The following RELN variants were observed in gnomAD, a reference collection of about 807,000 sequenced individuals.
RELN encodes reelin.
In RELN, 108 loss-of-function variants were observed where a neutral mutation model predicts 427.6. The observed-to-expected ratio is 0.25, with a 90% CI of 0.22 to 0.30. The LOEUF (loss-of-function observed/expected upper bound fraction) is 0.30, where lower values mean the gene tolerates loss of function less well. Ranked by LOEUF, RELN falls within the 10% of genes least tolerant of loss-of-function variation. The pLI is 1.00. For synonymous variants in RELN, 1,524 were observed against 1,513.4 expected (o/e 1.01, Z -0.16); for missense variants, 3,715 against 4,302.8 (o/e 0.86, Z 3.82).
chr7:103,958,156 T>C (rs1466826839), intron 1 of RELN, among the ~76,000 whole-genome samples: 2 of 152,220 alleles, frequency 1.3e-5, no homozygotes, highest in South Asian at 2.1e-4. Flanking sequence ...CAGAAGTGCC[T>C]ACATGGATTA....
intron 27 of RELN, among the ~76,000 whole-genome samples, chr7:103,592,888 A>G (rs550986246): frequency 7.2e-5 from 11 of 152,338 alleles, no homozygotes; most frequent in African/African-American, 2.6e-4. Flanking sequence ...AATCTAAACA[A>G]GGAAGGGTTA....
chr7:103,818,811 T>A, intron 3 of RELN, among the ~76,000 whole-genome samples: 1 of 151,584 alleles, frequency 6.6e-6, no homozygotes, highest in Admixed American at 6.6e-5. Flanking sequence ...AATGTTAGAG[T>A]TTTTTTCAAG....
intron 47 of RELN, among the ~76,000 whole-genome samples, chr7:103,522,899 A>G (rs995337320): frequency 2.6e-5 from 4 of 152,096 alleles, no homozygotes; most frequent in Admixed American, 1.3e-4. Flanking sequence ...AGGTTCTCTA[A>G]GAGTAATACA....
intron 3 of RELN, among the ~76,000 whole-genome samples, chr7:103,803,159 T>C (rs764114993): frequency 2.0e-4 from 31 of 152,056 alleles, no homozygotes; most frequent in Non-Finnish European, 3.5e-4. Context: ...AGCTTAATGA[T>C]TGCAAGACTA....
At chr7:103,763,791 A>T (rs1026401202) in intron 4 of RELN, among the ~76,000 whole-genome samples, 1 of 152,180 alleles carries the variant, frequency 6.6e-6, no homozygotes, top group African/African-American at 2.4e-5. Context: ...GAGGTGGGAC[A>T]GATCAGGGAA....
At position 103,641,429 on chromosome 7, in the gene RELN, G is replaced by T. The variant is rs148920660; in HGVS notation, c.2003-820C>A. Among the ~76,000 whole-genome samples, 563 of 152,256 alleles carry T rather than the reference G, an allele frequency of 3.7e-3. 5 individuals carry two copies. The highest frequency in any genetic ancestry group is 0.013 in the African/African-American group (545 of 41,534). On this transcript the variant is annotated intron_variant, in intron 16 of 64. Transcript: ENST00000428762. ...CTTAATACCTGCCAATTAACAGGTG[G>T]AGTAATTCAAATTCAATGAATTGTA...
chr7:103,642,147 A>G (rs1584369571), intron 16 of RELN, among the ~76,000 whole-genome samples: 1 of 152,226 alleles, frequency 6.6e-6, no homozygotes, highest in East Asian at 1.9e-4. Flanking sequence ...ATGACAAGAA[A>G]TGTACTTTGC....
rs1830149938 is a variant in RELN at position 103,540,311 on chromosome 7, C to T, written c.6816G>A (p.Val2272=). 6.2e-7 allele frequency: 1 copy of T among 1,614,162 alleles called. No homozygotes were observed. The highest frequency in any genetic ancestry group is 8.5e-7 in the Non-Finnish European group (1 of 1,180,026). Residue 2272 remains valine, a synonymous_variant, in exon 44 of 65, where the codon GTG becomes GTA. Coordinates refer to ENST00000428762, the MANE Select transcript of RELN (RefSeq NM_005045.4). ...GTATCTCCAGGGCAATGTACCTGCC[C>T]ACATTGCTGGAATTGCTGAAAAGGA... ...QEFLFSNSSN[V]GRYIALEIPL... is the part of the protein sequence containing the mutation.
chr7:103,632,695 G>C (rs1442528463), intron 19 of RELN, among the ~76,000 whole-genome samples: 2 of 152,002 alleles, frequency 1.3e-5, no homozygotes, highest in African/African-American at 4.8e-5. Context: ...TTTTCCTTTT[G>C]TTTGTAGGTC....
intron 20 of RELN, among the ~76,000 whole-genome samples, chr7:103,624,567 C>T (rs1399817897): frequency 6.6e-6 from 1 of 152,174 alleles, no homozygotes; most frequent in African/African-American, 2.4e-5. Flanking sequence ...GCTGGGATTA[C>T]AGGCGTCCGC....
intron 19 of RELN, among the ~76,000 whole-genome samples, chr7:103,633,257 A>C (rs916818691): frequency 6.6e-6 from 1 of 152,128 alleles, no homozygotes; most frequent in Admixed American, 6.5e-5. Context: ...CACGGCAATT[A>C]CAGGCAGCAA....
intron 29 of RELN, among the ~76,000 whole-genome samples, chr7:103,574,672 T>TA (rs1562899905): frequency 8.6e-5 from 13 of 151,628 alleles, no homozygotes; most frequent in South Asian, 8.3e-4. Flanking sequence ...AGTCTCAAAT[T>TA]TAAAAAAAAT....
intron 8 of RELN, among the ~76,000 whole-genome samples, chr7:103,718,421 C>T (rs142862003): frequency 1.1e-3 from 160 of 151,138 alleles, no homozygotes; most frequent in African/African-American, 3.8e-3. Context: ...AGAAAAGGTA[C>T]TAATTCTATA....
chr7:103,692,303 G>C (rs1833888589), intron 10 of RELN, among the ~76,000 whole-genome samples: 1 of 152,122 alleles, frequency 6.6e-6, no homozygotes, highest in Non-Finnish European at 1.5e-5. Flanking sequence ...GCTTTGGGGT[G>C]AGTGAGCCCC....
At chr7:103,726,701 A>C (rs1790219909) in intron 7 of RELN, among the ~76,000 whole-genome samples, 1 of 152,134 alleles carries the variant, frequency 6.6e-6, no homozygotes, top group Non-Finnish European at 1.5e-5. Context: ...AATATTACTA[A>C]ATGAGACACC....
chr7:103,711,438 G>C (rs1048208338), intron 8 of RELN, among the ~76,000 whole-genome samples: 13 of 152,198 alleles, frequency 8.5e-5, no homozygotes, highest in African/African-American at 3.1e-4. Context: ...AGGGAATCCA[G>C]AATACAAAAT....
rs1187478144 is a variant in RELN at position 103,975,712 on chromosome 7, ATTTTTT to A, written c.226+13413_226+13418del. Among the ~76,000 whole-genome samples, 796 of 122,018 alleles carry A rather than the reference ATTTTTT, an allele frequency of 6.5e-3. 14 individuals carry two copies. The highest frequency in any genetic ancestry group is 0.024 in the African/African-American group (768 of 32,000). 80.0% of individuals were successfully genotyped at this position (122,018 alleles called of 152,430 possible). On this transcript the variant is annotated intron_variant, in intron 1 of 64. Transcript: ENST00000428762. ...AGGCACCCGCCACCACGCCTGGCTG[ATTTTTT>A]TTTTTTTTTTTTGTATTTTTAGTAG...
chr7:103,649,447 G>A (rs376567663), intron 16 of RELN, among the ~76,000 whole-genome samples: 2 of 152,070 alleles, frequency 1.3e-5, no homozygotes, highest in East Asian at 1.9e-4. Flanking sequence ...AGGATGGAAG[G>A]GGGGTGAGGG....
intron 2 of RELN, among the ~76,000 whole-genome samples, chr7:103,860,714 A>G (rs1794053274): frequency 1.3e-5 from 2 of 152,034 alleles, no homozygotes; most frequent in Non-Finnish European, 1.5e-5. Flanking sequence ...CCCGGCCCCA[A>G]TTATAATTCT....
Sources: allele counts gnomAD v4.1 joint callset (sites outside exome capture counted in the v4.1 genomes callset), GRCh38; gene constraint gnomAD v4.1.1; transcripts MANE v1.5; gene names NCBI Gene and HGNC (gene_info 2026-07-23, HGNC 2026-07-21).